Variants in PLEKHF1 observed in about 807,000 individuals in gnomAD.
The protein encoded by PLEKHF1 is pleckstrin homology and FYVE domain containing 1, also known as pleckstrin homology domain-containing family F member 1.
A neutral mutation model predicts 4.1 loss-of-function variants in PLEKHF1; 1 was observed. That is an observed-to-expected ratio of 0.24 (90% confidence interval 0.09 to 1.15). The LOEUF (loss-of-function observed/expected upper bound fraction) is 1.15. Ranked by LOEUF, PLEKHF1 falls within the 50% of genes most tolerant of loss-of-function variation. The pLI is 0.52. For synonymous variants in PLEKHF1, 182 were observed against 178.5 expected (o/e 1.02, Z -0.16); for missense variants, 429 against 400.6 (o/e 1.07, Z -0.60).
rs113888806 is a variant in PLEKHF1, at chr19:29,669,702, T to C, written c.-16-4122T>C. Among the ~76,000 whole-genome samples the C allele has an allele frequency of 3.7e-3, 564 of 152,346 alleles. 3 individuals are homozygous for C. The highest frequency in any genetic ancestry group is 0.013 in the African/African-American group (535 of 41,584). ...CTTGAAATTGGCAGATATTCGGATT[T>C]CATCGTGTTTGCTGCTGCCTTTTTT... On this transcript the variant is annotated intron_variant, in intron 1 of 1. Transcript: ENST00000436066.
chr19:29,673,126 G>A lies in PLEKHF1; in HGVS notation c.-16-698G>A, dbSNP rs138880137. Reference sequence around the variant, plus strand: ...CTAAATGAGATAGTCACGCTTGGCTGACAGGAAGCACTCGGCGCCTGTGCT... The same window carrying A: ...CTAAATGAGATAGTCACGCTTGGCTAACAGGAAGCACTCGGCGCCTGTGCT... On this transcript the variant is annotated intron_variant, in intron 1 of 1. Transcript: ENST00000436066. Among the ~76,000 whole-genome samples the A allele has an allele frequency of 1.2e-3, 181 of 152,306 alleles. 1 individual carries two copies. Among genetic ancestry groups the A allele is most frequent in the African/African-American group, 4.2e-3 (175 of 41,570 alleles).
chr19:29,674,081 C>T lies in PLEKHF1; in HGVS notation c.242C>T (p.Pro81Leu). 6.2e-7 allele frequency: 1 copy of T among 1,614,080 alleles called. No homozygotes were observed. The highest frequency in any genetic ancestry group is 1.3e-5 in the African/African-American group (1 of 75,074). Reference protein sequence around the residue: ...KRKYRSQHIIPLEEVTLELLP... With the variant: ...KRKYRSQHIILLEEVTLELLP... ...AAGTACCGCAGCCAGCACATCATCC[C>T]CCTGGAGGAGGTCACACTGGAGCTG... Residue 81 changes from proline to leucine, a missense_variant, in exon 2 of 2, where the codon CCC becomes CTC. Physicochemically the swap from Pro to Leu is moderately conservative, Grantham distance 98. Coordinates refer to ENST00000436066, the MANE Select transcript of PLEKHF1 (RefSeq NM_024310.5).
At position 29,673,985 on chromosome 19, in the gene PLEKHF1, A is replaced by G; in HGVS notation, c.146A>G (p.Lys49Arg). The G allele has an allele frequency of 3.1e-6, 5 of 1,614,066 alleles. No individual in the cohort carries two copies. ...GTGCTGACCAAAGAGTGCCGCAAGA[A>G]GGCCAAGCCGCGCATCTTCTTCCTC... ...EGVLTKECRK[K>R]AKPRIFFLFN... The change falls in exon 2 of 2, where the codon AAG becomes AGG. Residue 49 changes from lysine to arginine, a missense_variant. Lys to Arg is a conservative substitution (Grantham distance 26). Transcript: ENST00000436066.
In PLEKHF1 at chr19:29,674,340, T is replaced by G; in HGVS notation, c.501T>G (p.Ser167=). 6.4e-7 allele frequency: 1 copy of G among 1,559,716 alleles called. No individual in the cohort carries two copies. The highest frequency in any genetic ancestry group is 8.6e-7 in the Non-Finnish European group (1 of 1,159,202). The change falls in exon 2 of 2, where the codon TCT becomes TCG. Residue 167 remains serine, a synonymous_variant. Transcript: ENST00000436066. ...TGCGCTGCACGCAGACGCGCTTCTCTGCCCTCACGAGGCGCCACCACTGCC... is the reference window on the plus strand; with the variant it reads ...TGCGCTGCACGCAGACGCGCTTCTCGGCCCTCACGAGGCGCCACCACTGCC... ...ICMRCTQTRF[S]ALTRRHHCRK...
intron 1 of PLEKHF1, among the ~76,000 whole-genome samples, chr19:29,670,988 C>G (rs1971625626): frequency 6.6e-6 from 1 of 152,176 alleles, no homozygotes. Context: ...AACTTCCATG[C>G]TGTTTTCCTT....
Position 29,665,516 on chromosome 19 carries a change from C to T in PLEKHF1, c.-17+11C>T, listed in dbSNP as rs914274321. ...GGGCCGGCGCAGAAGGTGAGTCCCCCCACCGTCCCCCGGCCGGGCTGCGGG... is the reference window on the plus strand; with the variant it reads ...GGGCCGGCGCAGAAGGTGAGTCCCCTCACCGTCCCCCGGCCGGGCTGCGGG... On this transcript the variant is annotated intron_variant, in intron 1 of 1. Coordinates refer to ENST00000436066, the MANE Select transcript of PLEKHF1 (RefSeq NM_024310.5). 1 of 1,232,680 alleles carries T rather than the reference C, an allele frequency of 8.1e-7. No individual in the cohort carries two copies. The allele number at this position is 1,232,680 out of a possible 1,614,324, so 76.4% of individuals were successfully genotyped here. A position where few individuals can be genotyped will look rare whatever the true frequency, so the allele number is the denominator to read the frequency against.
chr19:29,672,326 G>C (rs188460757), intron 1 of PLEKHF1, among the ~76,000 whole-genome samples: 172 of 152,322 alleles, frequency 1.1e-3, no homozygotes, highest in Non-Finnish European at 1.0e-4. Context: ...GAATGTGGCT[G>C]TGTCCCAATA....
Position 29,671,604 on chromosome 19 carries a change from C to T in PLEKHF1, c.-16-2220C>T, listed in dbSNP as rs1446775443. On this transcript the variant is annotated intron_variant, in intron 1 of 1. Coordinates refer to ENST00000436066, the MANE Select transcript of PLEKHF1 (RefSeq NM_024310.5). This position sits in a 1 kb window ranked among gnomAD's most constrained non-coding sequence, Gnocchi z 4.0. ...ACAGGTCAGTTCTGTCACTGGTAAT[C>T]CCCTAGGTTTGCAGTATACAGCCAA... 6.6e-6 allele frequency among the ~76,000 whole-genome samples: 1 copy of T among 152,146 alleles called. No homozygotes were observed. The highest frequency in any genetic ancestry group is 1.9e-4 in the East Asian group (1 of 5,200).
At chr19:29,669,192 G>T (rs1051543901) in intron 1 of PLEKHF1, among the ~76,000 whole-genome samples, 1 of 152,116 alleles carries the variant, frequency 6.6e-6, no homozygotes, top group South Asian at 2.1e-4. Flanking sequence ...TCTGCTGGAC[G>T]GGTCCAGGGT....
rs114034057 is a variant in PLEKHF1, at chr19:29,673,478, G to C, written c.-16-346G>C. 6.3e-3 allele frequency among the ~76,000 whole-genome samples: 961 copies of C among 151,964 alleles called. 7 individuals are homozygous for C. The highest frequency in any genetic ancestry group is 0.023 in the African/African-American group (936 of 41,400). On this transcript the variant is annotated intron_variant, in intron 1 of 1. Coordinates refer to ENST00000436066, the MANE Select transcript of PLEKHF1 (RefSeq NM_024310.5). ...TAGCTCACTGTAGCCTCAAACTCCT[G>C]GGCTCGAGCCTCCTCTTGCCTCAGC...
At chr19:29,672,839 G>A (rs553518201) in intron 1 of PLEKHF1, among the ~76,000 whole-genome samples, 2 of 152,158 alleles carry the variant, frequency 1.3e-5, no homozygotes, top group Non-Finnish European at 2.9e-5. Context: ...CTGGAGGCTT[G>A]GAATGGGGAA....
chr19:29,674,595 C>T lies in PLEKHF1; in HGVS notation c.756C>T (p.Asp252=). The T allele has an allele frequency of 6.2e-7, 1 of 1,606,944 alleles. No homozygotes were observed. The highest frequency in any genetic ancestry group is 2.2e-5 in the East Asian group (1 of 44,540). Residue 252 remains aspartate (D), a synonymous_variant, in exon 2 of 2, where the codon GAC becomes GAT. Transcript: ENST00000436066. ...SSGDDDDSDE[D]KEGSRDGDWP... ...GAGATGACGATGACTCCGACGAGGA[C>T]AAGGAGGGCAGCAGGGACGGCGACT...
chr19:29,673,940 G>C lies in PLEKHF1; in HGVS notation c.101G>C (p.Arg34Pro), dbSNP rs368649144. ...ASGQPLALPG[R>P]VLLGEGVLTK... ...GGGCAGCCGCTGGCGCTGCCAGGCCGAGTGCTGCTGGGCGAGGGCGTGCTG... is the reference window on the plus strand; with the variant it reads ...GGGCAGCCGCTGGCGCTGCCAGGCCCAGTGCTGCTGGGCGAGGGCGTGCTG... Residue 34 changes from arginine (R) to proline (P), a missense_variant, in exon 2 of 2, where the codon CGA (arginine) becomes CCA (proline). By Grantham distance (103) the Arg-to-Pro change is moderately radical. Coordinates refer to ENST00000436066, the MANE Select transcript of PLEKHF1 (RefSeq NM_024310.5). 278 of 1,613,532 alleles carry C rather than the reference G, an allele frequency of 1.7e-4. No individual in the cohort carries two copies. The highest frequency in any genetic ancestry group is 2.2e-4 in the Non-Finnish European group (265 of 1,179,886).
Position 29,673,969 on chromosome 19 carries a change from A to C in PLEKHF1, c.130A>C (p.Lys44Gln). 6.2e-7 allele frequency: 1 copy of C among 1,613,982 alleles called. No individual in the cohort carries two copies. Among genetic ancestry groups the C allele is most frequent in the Non-Finnish European group, 8.5e-7 (1 of 1,179,964 alleles). ...RVLLGEGVLT[K>Q]ECRKKAKPRI... Reference sequence around the variant, plus strand: ...GCTGCTGGGCGAGGGCGTGCTGACCAAAGAGTGCCGCAAGAAGGCCAAGCC... The same window carrying C: ...GCTGCTGGGCGAGGGCGTGCTGACCCAAGAGTGCCGCAAGAAGGCCAAGCC... Residue 44 changes from lysine to glutamine, a missense_variant, in exon 2 of 2, where the codon AAA (lysine) becomes CAA (glutamine). Lys to Gln is a moderately conservative substitution (Grantham distance 53). Coordinates refer to ENST00000436066, the MANE Select transcript of PLEKHF1 (RefSeq NM_024310.5).
chr19:29,666,844 TC>T (rs1971575072), intron 1 of PLEKHF1: 1 of 152,252 alleles, frequency 6.6e-6, no homozygotes, highest in African/African-American at 2.4e-5. Context: ...CGGCGGCACT[TC>T]CAGTTTTGTT....
At chr19:29,673,535 C>T (rs1049820677) in intron 1 of PLEKHF1, among the ~76,000 whole-genome samples, 2 of 152,130 alleles carry the variant, frequency 1.3e-5, no homozygotes, top group Admixed American at 6.6e-5. Flanking sequence ...AGGCATGAAC[C>T]GCTGCACCTG....
intron 1 of PLEKHF1, among the ~76,000 whole-genome samples, chr19:29,668,694 T>C (rs1971596347): frequency 6.7e-6 from 1 of 149,434 alleles, no homozygotes. Flanking sequence ...TACTTCAGCC[T>C]GGGCAACAAA....
At position 29,674,895 on chromosome 19, in the gene PLEKHF1, A is replaced by G; in HGVS notation, c.*216A>G. On this transcript the variant is annotated 3_prime_UTR_variant, in exon 2 of 2. Transcript: ENST00000436066. ...AATGCCTTTCCCTTCAGGAAGCCCC[A>G]GAACACCCACAGGTCTTGGTAACAA... 2.9e-6 allele frequency: 2 copies of G among 682,234 alleles called. No individual in the cohort carries two copies. Among genetic ancestry groups the G allele is most frequent in the East Asian group, 2.9e-5 (1 of 34,526 alleles). 42.3% of individuals were successfully genotyped at this position (682,234 alleles called of 1,614,324 possible). A position where few individuals can be genotyped will look rare whatever the true frequency, so the allele number is the denominator to read the frequency against.
rs933032828 is a variant in PLEKHF1, at chr19:29,674,530, C to A, written c.691C>A (p.Pro231Thr). The part of the protein sequence containing the change: ...EEQGAGSPGQ[P>T]AHLARPICGA... ...GCAGGGCGCGGGGTCCCCAGGGCAG[C>A]CAGCCCACCTGGCCCGGCCCATCTG... The change falls in exon 2 of 2, where the codon CCA becomes ACA. Residue 231 changes from proline to threonine, a missense_variant. Pro to Thr is a conservative substitution (Grantham distance 38). Coordinates refer to ENST00000436066, the MANE Select transcript of PLEKHF1 (RefSeq NM_024310.5). 1 of 1,579,472 alleles carries A rather than the reference C, an allele frequency of 6.3e-7. No homozygotes were observed. Among genetic ancestry groups the A allele is most frequent in the Non-Finnish European group, 8.6e-7 (1 of 1,164,816 alleles).
Sources: allele counts gnomAD v4.1 joint callset (sites outside exome capture counted in the v4.1 genomes callset), GRCh38; gene constraint gnomAD v4.1.1; non-coding constraint Gnocchi (gnomAD v3.1); transcripts MANE v1.5; gene names NCBI Gene and HGNC (gene_info 2026-07-23, HGNC 2026-07-21).